Variants in CCSER1 observed in about 807,000 individuals in gnomAD.
The protein encoded by CCSER1 is serine-rich coiled-coil domain-containing protein 1.
CCSER1 carries 41 observed loss-of-function variants against 82.0 expected under a neutral mutation model. The observed-to-expected ratio is 0.50, with a 90% confidence interval of 0.39 to 0.65. The LOEUF is 0.65. Ranked by LOEUF, CCSER1 falls within the 30% of genes least tolerant of loss-of-function variation. The probability of loss-of-function intolerance (pLI) is 0.00; values close to 1 mark genes in which losing one functional copy is unlikely to be tolerated. For missense variants in CCSER1, 1,119 were observed against 1,064.2 expected (o/e 1.05, Z -0.72); for synonymous variants, 414 against 383.9 (o/e 1.08, Z -0.92).
chr4:90,664,928 A>G (rs1397554206), intron 6 of CCSER1, among the ~76,000 whole-genome samples: 1 of 152,152 alleles, frequency 6.6e-6, no homozygotes, highest in East Asian at 1.9e-4. Flanking sequence ...AATAAATGAA[A>G]CCAAAATAAA....
intron 10 of CCSER1, among the ~76,000 whole-genome samples, chr4:91,210,166 A>G (rs1736690547): frequency 1.3e-5 from 2 of 151,688 alleles, no homozygotes; most frequent in African/African-American, 4.8e-5. Context: ...TACGGAATAC[A>G]TTGTGCACCT....
intron 3 of CCSER1, among the ~76,000 whole-genome samples, chr4:90,326,734 T>G (rs565682491): frequency 6.6e-6 from 1 of 152,272 alleles, no homozygotes; most frequent in Non-Finnish European, 1.5e-5. Context: ...TCAAGAGAGA[T>G]AGGTGCAGTA....
At chr4:90,616,266 T>G (rs939046387) in intron 5 of CCSER1, among the ~76,000 whole-genome samples, 31 of 152,294 alleles carry the variant, frequency 2.0e-4, no homozygotes, top group African/African-American at 7.0e-4. Flanking sequence ...CTCTGAGGTA[T>G]GCCTGTATAC....
chr4:91,099,897 T>G (rs1724885792), intron 10 of CCSER1, among the ~76,000 whole-genome samples: 1 of 152,140 alleles, frequency 6.6e-6, no homozygotes, highest in South Asian at 2.1e-4. Context: ...AGTTAATCTC[T>G]TTAGGCTTGG....
chr4:90,550,548 A>G (rs1777336326), intron 5 of CCSER1, among the ~76,000 whole-genome samples: 1 of 152,090 alleles, frequency 6.6e-6, no homozygotes, highest in Admixed American at 6.6e-5. Context: ...ATTAATATAG[A>G]AAAATATATT....
intron 9 of CCSER1, among the ~76,000 whole-genome samples, chr4:91,023,856 G>A (rs953574192): frequency 6.6e-5 from 10 of 152,120 alleles, no homozygotes; most frequent in African/African-American, 2.4e-4. Flanking sequence ...CCCACAAAAT[G>A]TTGCTGATAC....
At chr4:90,693,737 A>T (rs1365443880) in intron 6 of CCSER1, among the ~76,000 whole-genome samples, 1 of 151,958 alleles carries the variant, frequency 6.6e-6, no homozygotes, top group African/African-American at 2.4e-5. Flanking sequence ...TAAGATATAG[A>T]TATGGCTTTA....
chr4:90,531,396 CTTTT>C (rs77768534), intron 5 of CCSER1, among the ~76,000 whole-genome samples: 1 of 130,202 alleles, frequency 7.7e-6, no homozygotes, highest in Non-Finnish European at 1.7e-5. Context: ...CTGCAGGTTT[CTTTT>C]TTTTTTTTTT....
At chr4:90,576,613 C>G (rs1375413118) in intron 5 of CCSER1, among the ~76,000 whole-genome samples, 1 of 152,072 alleles carries the variant, frequency 6.6e-6, no homozygotes, top group Non-Finnish European at 1.5e-5. Flanking sequence ...AATTGGCATT[C>G]TACAGTTTGT....
chr4:91,420,523 T>TA (rs568649724), intron 10 of CCSER1, among the ~76,000 whole-genome samples: 3 of 152,068 alleles, frequency 2.0e-5, no homozygotes, highest in African/African-American at 4.8e-5. Context: ...TGGCTTTTGT[T>TA]AAAAAAACAG....
chr4:91,439,141 A>C (rs1000406502), intron 10 of CCSER1, among the ~76,000 whole-genome samples: 4 of 152,132 alleles, frequency 2.6e-5, no homozygotes, highest in Non-Finnish European at 5.9e-5. Context: ...CGCCACAAAG[A>C]TACTCCTCGA....
chr4:91,486,415 C>G (rs554607498), intron 10 of CCSER1, among the ~76,000 whole-genome samples: 200 of 151,900 alleles, frequency 1.3e-3, no homozygotes, highest in Middle Eastern at 6.8e-3. Context: ...CCTTTTAAAA[C>G]TTTTAGCCTT....
chr4:90,940,754 T>A (rs541609391), intron 9 of CCSER1, among the ~76,000 whole-genome samples: 1 of 152,290 alleles, frequency 6.6e-6, no homozygotes, highest in Non-Finnish European at 1.5e-5. Context: ...AATATAAGAT[T>A]GAGCAAACTT....
At chr4:90,408,940 C>T (rs1754203812) in intron 4 of CCSER1, among the ~76,000 whole-genome samples, 1 of 152,106 alleles carries the variant, frequency 6.6e-6, no homozygotes, top group Non-Finnish European at 1.5e-5. Context: ...CTTAAAGGAC[C>T]TCATGGAGCT....
At chr4:90,437,690 C>G (rs559252284) in intron 4 of CCSER1, among the ~76,000 whole-genome samples, 1 of 152,258 alleles carries the variant, frequency 6.6e-6, no homozygotes, top group African/African-American at 2.4e-5. Context: ...CATCCCAGAA[C>G]ACTGAGGCAA....
chr4:91,003,236 A>G (rs544569938), intron 9 of CCSER1, among the ~76,000 whole-genome samples: 1 of 152,076 alleles, frequency 6.6e-6, no homozygotes, highest in East Asian at 1.9e-4. Flanking sequence ...TCCTGCCAGG[A>G]GCTGTAGTAG....
chr4:90,859,718 T>G (rs954796491), intron 8 of CCSER1, among the ~76,000 whole-genome samples: 3 of 151,734 alleles, frequency 2.0e-5, no homozygotes, highest in African/African-American at 7.2e-5. Flanking sequence ...ATAAATAAAG[T>G]TAAGTGTACC....
intron 10 of CCSER1, among the ~76,000 whole-genome samples, chr4:91,337,128 CAGAA>C (rs1747376560): frequency 6.6e-6 from 1 of 152,048 alleles, no homozygotes; most frequent in Non-Finnish European, 1.5e-5. Flanking sequence ...TGCACATTTT[CAGAA>C]AGAGTCAAGT....
intron 6 of CCSER1, among the ~76,000 whole-genome samples, chr4:90,704,783 G>T (rs1738966578): frequency 6.6e-6 from 1 of 152,128 alleles, no homozygotes; most frequent in Non-Finnish European, 1.5e-5. Context: ...TGAAGCTTGT[G>T]CATTTGTCAC....
Sources: gnomAD v4.1 joint callset for allele counts (sites outside exome capture counted in the v4.1 genomes callset) on GRCh38, gnomAD v4.1.1 for gene constraint, MANE v1.5 for transcripts, NCBI Gene and HGNC (gene_info 2026-07-23, HGNC 2026-07-21) for gene names.